TCF12: variants seen among roughly 807,000 people sequenced by gnomAD.
The protein encoded by TCF12 is DNA-binding protein HTF4.
In TCF12, 45 loss-of-function variants were observed where a neutral mutation model predicts 86.0. That is an observed-to-expected ratio of 0.52 (90% confidence interval 0.41 to 0.67). The LOEUF (loss-of-function observed/expected upper bound fraction) is 0.67, where lower values mean the gene tolerates loss of function less well. Among genes scored for constraint, TCF12 ranks in the 30% least tolerant of loss-of-function variants. TCF12 has a pLI of 0.00. For missense variants in TCF12, 881 were observed against 859.9 expected (o/e 1.02, Z -0.31); for synonymous variants, 330 against 299.6 (o/e 1.10, Z -1.05).
At chr15:57,192,025 C>T in intron 6 of TCF12, 133 bp from the exon 7 acceptor site, 2 of 966,856 alleles carry the variant, frequency 2.1e-6, no homozygotes, top group Non-Finnish European at 3.0e-6. Flanking sequence ...TAATTGAATT[C>T]AAAACGTACT....
chr15:57,036,174 T>A (rs1486776586), intron 3 of TCF12, among the ~76,000 whole-genome samples: 1 of 151,846 alleles, frequency 6.6e-6, no homozygotes, highest in Non-Finnish European at 1.5e-5. Context: ...AGCATTTTGG[T>A]TTTCCCTAAA....
intron 8 of TCF12, among the ~76,000 whole-genome samples, chr15:57,203,437 A>G (rs910100224): frequency 1.3e-5 from 2 of 152,244 alleles, no homozygotes; most frequent in African/African-American, 4.8e-5. Context: ...AGCAAGATAT[A>G]TCAGAACAAG....
chr15:56,959,024 A>G (rs550832601), intron 3 of TCF12, among the ~76,000 whole-genome samples: 1 of 152,192 alleles, frequency 6.6e-6, no homozygotes, highest in African/African-American at 2.4e-5. Flanking sequence ...TCTCTGGCTT[A>G]TTGGGTCATA....
chr15:57,275,820 A>G (rs1459908478), intron 19 of TCF12, among the ~76,000 whole-genome samples: 1 of 152,094 alleles, frequency 6.6e-6, no homozygotes, highest in African/African-American at 2.4e-5. Flanking sequence ...GCTTATTTTT[A>G]CCAGGAGGCA....
chr15:56,993,648 C>T (rs765783460), intron 3 of TCF12, among the ~76,000 whole-genome samples: 1 of 152,266 alleles, frequency 6.6e-6, no homozygotes, highest in East Asian at 1.9e-4. Flanking sequence ...TTCGATGATA[C>T]AAAAGTGGGA....
intron 3 of TCF12, among the ~76,000 whole-genome samples, chr15:57,015,371 C>T (rs779196305): frequency 3.9e-5 from 6 of 152,212 alleles, no homozygotes; most frequent in Non-Finnish European, 8.8e-5. Flanking sequence ...TGGCTCAGCC[C>T]ATGTTTTGGT....
At chr15:57,217,619 A>G (rs1254024688) in intron 8 of TCF12, among the ~76,000 whole-genome samples, 1 of 152,156 alleles carries the variant, frequency 6.6e-6, no homozygotes, top group Non-Finnish European at 1.5e-5. Flanking sequence ...AAGTATTGTC[A>G]GTGCTTTGTG....
At chr15:57,241,099 A>T (rs565799642) in intron 12 of TCF12, among the ~76,000 whole-genome samples, 1 of 145,590 alleles carries the variant, frequency 6.9e-6, no homozygotes, top group Admixed American at 6.8e-5. Context: ...AATAATATTG[A>T]TTTTTTTTTT....
chr15:56,940,678 T>TTCTCCC (rs1211623097), intron 3 of TCF12, among the ~76,000 whole-genome samples: 54 of 141,372 alleles, frequency 3.8e-4, no homozygotes, highest in Non-Finnish European at 2.3e-4. Context: ...CTCCCTCTCC[T>TTCTCCC]TCTCCCTCTC....
chr15:57,066,076 A>G (rs2068850563), intron 4 of TCF12, among the ~76,000 whole-genome samples: 1 of 152,144 alleles, frequency 6.6e-6, no homozygotes, highest in Non-Finnish European at 1.5e-5. Flanking sequence ...TATCATTTTC[A>G]AACAAAAATC....
Position 57,158,184 on chromosome 15 carries a change from G to GTTT in TCF12, c.326-8217_326-8215dup, listed in dbSNP as rs374179677. 6.5e-3 allele frequency among the ~76,000 whole-genome samples: 865 copies of GTTT among 134,052 alleles called. 89 individuals are homozygous for GTTT. Among genetic ancestry groups the GTTT allele is most frequent in the South Asian group, 0.014 (55 of 4,020 alleles). 87.9% of individuals were successfully genotyped at this position (134,052 alleles called of 152,430 possible). On this transcript the variant is annotated intron_variant, in intron 5 of 20. Coordinates refer to ENST00000333725, the MANE Select transcript of TCF12 (RefSeq NM_207037.2). ...ACAGATGTTAAAGTCTCAGAAAGTC[G>GTTT]TTTCTTTTTTTTTTTTTTCTTTGAG...
At chr15:57,179,726 G>A (rs1281621862) in intron 6 of TCF12, among the ~76,000 whole-genome samples, 11 of 152,084 alleles carry the variant, frequency 7.2e-5, no homozygotes, top group Non-Finnish European at 1.6e-4. Flanking sequence ...GTGGCTGGTG[G>A]TTTTTTATTG....
Position 57,235,741 on chromosome 15 carries a change from T to G in TCF12, c.1035+1634T>G, listed in dbSNP as rs562344138. Among the ~76,000 whole-genome samples, 253 of 152,332 alleles carry G rather than the reference T, an allele frequency of 1.7e-3. 2 individuals carry two copies. Among genetic ancestry groups the G allele is most frequent in the African/African-American group, 5.6e-3 (234 of 41,586 alleles). ...GGACAAATAACATTTGAACTTTCAG[T>G]GCTAGATAATTTTTTAAAATTTAAC... On this transcript the variant is annotated intron_variant, in intron 12 of 20. Transcript: ENST00000333725.
Position 57,247,198 on chromosome 15 carries a change from TCTA to T in TCF12, c.1114+3654_1114+3656del. 3 of 605,858 alleles carry T rather than the reference TCTA, an allele frequency of 5.0e-6. No homozygotes were observed. The Admixed American group carries it at 6.6e-5, about 13-fold the overall frequency. 37.5% of individuals were successfully genotyped at this position (605,858 alleles called of 1,614,324 possible). On this transcript the variant is annotated intron_variant, in intron 13 of 20. Transcript: ENST00000333725. Reference sequence around the variant, plus strand: ...TTGGTCCATCACCATCATAGCCCCCTCTACTACTGTAACCAGGACTACCACCAT... The same window carrying T: ...TTGGTCCATCACCATCATAGCCCCCTCTACTGTAACCAGGACTACCACCAT...
chr15:57,252,168 T>C, intron 14 of TCF12: 1 of 376,472 alleles, frequency 2.7e-6, no homozygotes. Flanking sequence ...AACAAAACAT[T>C]TTAAATTGAA....
chr15:57,177,397 G>A (rs780689642), intron 6 of TCF12, among the ~76,000 whole-genome samples: 12 of 151,278 alleles, frequency 7.9e-5, no homozygotes, highest in Non-Finnish European at 1.5e-4. Flanking sequence ...AGCCTCCTGA[G>A]TAGCTCGGAT....
At chr15:56,946,115 G>A (rs1252569665) in intron 3 of TCF12, among the ~76,000 whole-genome samples, 2 of 152,204 alleles carry the variant, frequency 1.3e-5, no homozygotes, top group African/African-American at 4.8e-5. Flanking sequence ...CTCTGTGTAT[G>A]GGTGTTTGAG....
chr15:57,036,156 C>T (rs1329792879), intron 3 of TCF12, among the ~76,000 whole-genome samples: 1 of 151,422 alleles, frequency 6.6e-6, no homozygotes, highest in East Asian at 1.9e-4. Flanking sequence ...TGAACGGTGG[C>T]TGTTCAAAGC....
chr15:56,940,762 T>C (rs2060728619), intron 3 of TCF12, among the ~76,000 whole-genome samples: 1 of 131,950 alleles, frequency 7.6e-6, no homozygotes, highest in African/African-American at 2.8e-5. Context: ...TCCTTCTCCT[T>C]CTCCTTCTTC....
Sources: allele counts gnomAD v4.1 joint callset (sites outside exome capture counted in the v4.1 genomes callset), GRCh38; gene constraint gnomAD v4.1.1; transcripts MANE v1.5; gene names NCBI Gene and HGNC (gene_info 2026-07-23, HGNC 2026-07-21).